Variants in SIAE observed in about 807,000 individuals in gnomAD.
SIAE encodes sialic acid acetylesterase, also known as sialate O-acetylesterase.
SIAE carries 39 observed loss-of-function variants against 52.6 expected under a neutral mutation model. The ratio of observed to expected loss-of-function variants is 0.74; its 90% CI spans 0.57 to 0.97. SIAE has a LOEUF of 0.97. SIAE is among the 50% of genes least tolerant of loss of function. SIAE has a pLI of 0.00. For missense variants in SIAE, 592 were observed against 662.1 expected (o/e 0.89, Z 1.16); for synonymous variants, 233 against 241.4 (o/e 0.97, Z 0.32).
chr11:124,667,179 G>C (rs1350221600), intron 2 of SIAE, among the ~76,000 whole-genome samples: 2 of 152,092 alleles, frequency 1.3e-5, no homozygotes, highest in African/African-American at 2.4e-5. Flanking sequence ...TTCCAAATCA[G>C]CATCATTTAC....
At chr11:124,657,572 T>C (rs981455640) in intron 3 of SIAE, among the ~76,000 whole-genome samples, 7 of 152,236 alleles carry the variant, frequency 4.6e-5, no homozygotes, top group Admixed American at 1.3e-4. Flanking sequence ...GTGAGGCCAA[T>C]AGAGTCAGAA....
chr11:124,660,291 A>T, intron 3 of SIAE: 1 of 337,190 alleles, frequency 3.0e-6, no homozygotes, highest in East Asian at 7.8e-5. Context: ...ACTCCGTCTC[A>T]AAAAAGAAAA....
intron 2 of SIAE, among the ~76,000 whole-genome samples, chr11:124,668,604 T>C (rs560653235): frequency 1.3e-5 from 2 of 152,358 alleles, no homozygotes; most frequent in South Asian, 4.1e-4. Flanking sequence ...ATTCGTTTAA[T>C]TCTCACAGTA....
chr11:124,640,878 T>C (rs987903626), intron 7 of SIAE, among the ~76,000 whole-genome samples: 1 of 152,198 alleles, frequency 6.6e-6, no homozygotes, highest in African/African-American at 2.4e-5. Context: ...GTGCCTGGGC[T>C]AGCCTGCTGC....
intron 3 of SIAE, among the ~76,000 whole-genome samples, chr11:124,655,174 C>CCTTTTTTTT (rs1555098374): frequency 6.7e-5 from 9 of 135,062 alleles, no homozygotes; most frequent in East Asian, 6.2e-4. Flanking sequence ...TTAACTTCTT[C>CCTTTTTTTT]TTTTTTTTTT....
intron 2 of SIAE, among the ~76,000 whole-genome samples, chr11:124,663,307 T>G (rs1218307061): frequency 6.6e-6 from 1 of 152,172 alleles, no homozygotes; most frequent in Non-Finnish European, 1.5e-5. Context: ...CCGGGCGCAG[T>G]GGCTTGCGCC....
intron 4 of SIAE, among the ~76,000 whole-genome samples, chr11:124,651,079 C>T (rs1408631394): frequency 6.6e-6 from 1 of 152,156 alleles, no homozygotes; most frequent in Non-Finnish European, 1.5e-5. Context: ...ATGGCTAAGT[C>T]ACTGGCACTC....
chr11:124,653,002 T>A (rs762596457), intron 4 of SIAE, among the ~76,000 whole-genome samples: 2 of 152,186 alleles, frequency 1.3e-5, no homozygotes, highest in African/African-American at 4.8e-5. Flanking sequence ...TAATACATTA[T>A]CCAAATTTGA....
chr11:124,662,869 G>A (rs575401208), intron 2 of SIAE, among the ~76,000 whole-genome samples: 1 of 152,318 alleles, frequency 6.6e-6, no homozygotes. Context: ...CTCTGGCAAA[G>A]CACAGTGGCT....
chr11:124,671,360 G>A (rs532581783), intron 1 of SIAE, among the ~76,000 whole-genome samples: 2 of 151,566 alleles, frequency 1.3e-5, no homozygotes, highest in South Asian at 2.1e-4. Flanking sequence ...GGGATATAAC[G>A]ATGAAAAAAT....
Position 124,647,299 on chromosome 11 carries a change from A to T in SIAE, c.966+66T>A, listed in dbSNP as rs561798193. The T allele has an allele frequency of 6.9e-5, 111 of 1,607,684 alleles. No individual in the cohort carries two copies. In the African/African-American group the frequency reaches 1.3e-3, roughly 19 times the overall value. On this transcript the variant is annotated intron_variant, in intron 7 of 9. Transcript: ENST00000263593. ...GCACATCCCCACACCAATGCCCATA[A>T]ACCTCTTCCTCTCAACACAGGAACA...
At chr11:124,646,839 T>C (rs1004191682) in intron 7 of SIAE, among the ~76,000 whole-genome samples, 3 of 152,244 alleles carry the variant, frequency 2.0e-5, no homozygotes, top group Non-Finnish European at 4.4e-5. Flanking sequence ...GCCCAATCTA[T>C]AGACAGCTAG....
Position 124,635,894 on chromosome 11 carries a change from T to G in SIAE, c.*1057A>C, listed in dbSNP as rs1423131522. 3 of 152,244 alleles carry G rather than the reference T, an allele frequency of 2.0e-5. No homozygotes were observed. Among genetic ancestry groups the G allele is most frequent in the East Asian group, 3.8e-4 (2 of 5,204 alleles). The allele number at this position is 152,244 out of a possible 1,614,324, so 9.4% of individuals were successfully genotyped here. ...AATCCATCAGTAAACTGCATTAAGA[T>G]TCTTAATAAACAAACACTGAAGGCC... On this transcript the variant is annotated 3_prime_UTR_variant, in exon 10 of 10. Coordinates refer to ENST00000263593, the MANE Select transcript of SIAE (RefSeq NM_170601.5).
At chr11:124,650,592 A>G (rs10893280) in intron 4 of SIAE, among the ~76,000 whole-genome samples, 17,640 of 151,794 alleles carry the variant, frequency 0.12, 3,097 homozygotes, top group African/African-American at 0.38. Flanking sequence ...GGCCAATATG[A>G]TGAAACCCCG....
At chr11:124,675,458 C>T (rs184073930), upstream of SIAE, 84 of 1,597,184 alleles carry the variant, frequency 5.3e-5, no homozygotes, top group East Asian at 1.7e-3. Flanking sequence ...AAATAAGAAA[C>T]TAAGCATTTG....
At chr11:124,649,420 T>C (rs1316963051) in intron 5 of SIAE, among the ~76,000 whole-genome samples, 199 bp downstream of exon 5, 1 of 151,270 alleles carries the variant, frequency 6.6e-6, no homozygotes, top group African/African-American at 2.4e-5. Flanking sequence ...GAAAAGATAC[T>C]TTTTTTTTAC....
At chr11:124,663,372 C>A (rs569563500) in intron 2 of SIAE, among the ~76,000 whole-genome samples, 2 of 152,134 alleles carry the variant, frequency 1.3e-5, no homozygotes, top group African/African-American at 4.8e-5. Flanking sequence ...GTCAAGAGAT[C>A]GAGACCATCC....
upstream of SIAE, chr11:124,675,644 T>G (rs1268215197): frequency 9.2e-6 from 4 of 434,552 alleles, no homozygotes; most frequent in Non-Finnish European, 1.6e-5. Flanking sequence ...CCGTCTTCAT[T>G]GTATTTCTCA....
Position 124,633,519 on chromosome 11 carries a change from C to G in SIAE, c.*3432G>C, listed in dbSNP as rs1230838998. The G allele has an allele frequency of 2.0e-5, 3 of 152,170 alleles. No homozygotes were observed. Among genetic ancestry groups the G allele is most frequent in the African/African-American group, 7.2e-5 (3 of 41,420 alleles). The allele number at this position is 152,170 out of a possible 1,614,324, so 9.4% of individuals were successfully genotyped here. A position where few individuals can be genotyped will look rare whatever the true frequency, so the allele number is the denominator to read the frequency against. On this transcript the variant is annotated 3_prime_UTR_variant, in exon 10 of 10. Coordinates refer to ENST00000263593, the MANE Select transcript of SIAE (RefSeq NM_170601.5). The stretch of plus-strand genomic sequence containing the variant: ...TCATAATTGCCAATTGAGGACAACA[C>G]AAATGGGATTGGTACTTTATAGTAA...
Sources: gnomAD v4.1 joint callset for allele counts (sites outside exome capture counted in the v4.1 genomes callset) on GRCh38, gnomAD v4.1.1 for gene constraint, MANE v1.5 for transcripts, NCBI Gene and HGNC (gene_info 2026-07-23, HGNC 2026-07-21) for gene names.